SLC16A7: variants seen among roughly 807,000 people sequenced by gnomAD.
SLC16A7 encodes monocarboxylate transporter 2.
In SLC16A7, 33 loss-of-function variants were observed where a neutral mutation model predicts 34.9. The ratio of observed to expected loss-of-function variants is 0.94; its 90% CI spans 0.72 to 1.26. The LOEUF is 1.26. SLC16A7 is among the 50% of genes most tolerant of loss of function. The pLI, the probability that SLC16A7 is intolerant of heterozygous loss-of-function variation, is 0.00. For missense variants in SLC16A7, 573 were observed against 578.1 expected (o/e 0.99, Z 0.09); for synonymous variants, 201 against 206.6 (o/e 0.97, Z 0.23).
At chr12:59,714,290 A>G (rs905443479) in intron 3 of SLC16A7, among the ~76,000 whole-genome samples, 11 of 152,220 alleles carry the variant, frequency 7.2e-5, no homozygotes, top group Non-Finnish European at 1.3e-4. Context: ...CCATATAAAC[A>G]AAAGAGAAGA....
intron 1 of SLC16A7, among the ~76,000 whole-genome samples, chr12:59,633,289 C>A (rs1420417852): frequency 6.6e-6 from 1 of 151,956 alleles, no homozygotes; most frequent in Non-Finnish European, 1.5e-5. Flanking sequence ...ACTTCAGAAA[C>A]TGCAATTTGT....
chr12:59,686,100 T>C (rs572826511), intron 2 of SLC16A7, among the ~76,000 whole-genome samples: 11 of 148,396 alleles, frequency 7.4e-5, no homozygotes, highest in East Asian at 2.0e-4. Context: ...CTTTTCTTTT[T>C]TTTTTTTTTT....
intron 2 of SLC16A7, among the ~76,000 whole-genome samples, chr12:59,673,213 G>T (rs1173014293): frequency 4.6e-5 from 7 of 152,042 alleles, no homozygotes; most frequent in Non-Finnish European, 1.5e-5. Context: ...CTAACCTCTT[G>T]AACAAAACTT....
chr12:59,753,689 C>G (rs1779498454), intron 3 of SLC16A7, among the ~76,000 whole-genome samples: 1 of 152,066 alleles, frequency 6.6e-6, no homozygotes, highest in African/African-American at 2.4e-5. Flanking sequence ...CAACATTAGA[C>G]AGATCAACGA....
chr12:59,664,279 G>T (rs572956882), intron 2 of SLC16A7, among the ~76,000 whole-genome samples: 57 of 152,158 alleles, frequency 3.7e-4, no homozygotes, highest in Admixed American at 8.5e-4. Flanking sequence ...TTTTCCAAAG[G>T]TTATAGTAAT....
intron 3 of SLC16A7, among the ~76,000 whole-genome samples, chr12:59,741,182 G>T (rs530830091): frequency 8.5e-4 from 129 of 152,222 alleles, no homozygotes; most frequent in African/African-American, 2.9e-3. Context: ...AGCTACCGAT[G>T]ACTTTCTTCA....
At chr12:59,614,449 G>A (rs1879344077) in intron 1 of SLC16A7, among the ~76,000 whole-genome samples, 1 of 152,026 alleles carries the variant, frequency 6.6e-6, no homozygotes. Flanking sequence ...GCTATTAAAG[G>A]CATCAGAATA....
intron 2 of SLC16A7, among the ~76,000 whole-genome samples, chr12:59,665,900 G>A (rs958542699): frequency 2.8e-4 from 42 of 150,662 alleles, no homozygotes; most frequent in Admixed American, 2.7e-3. Flanking sequence ...ATCTTTATTC[G>A]GCAAGTATCC....
chr12:59,774,850 T>C lies in SLC16A7; in HGVS notation c.555T>C (p.Leu185=). 6.2e-7 allele frequency: 1 copy of C among 1,613,916 alleles called. No individual in the cohort carries two copies. Among genetic ancestry groups the C allele is most frequent in the Non-Finnish European group, 8.5e-7 (1 of 1,179,948 alleles). The change falls in exon 5 of 6, where the codon CTT becomes CTC. Residue 185 remains leucine, a synonymous_variant. Transcript: ENST00000547379. Reference sequence around the variant, plus strand: ...GCTTCCTGATTTTGGGAAGTCTACTTTTGAATGCCTGTGTGGCTGGTTCCC... The same window carrying C: ...GCTTCCTGATTTTGGGAAGTCTACTCTTGAATGCCTGTGTGGCTGGTTCCC... The part of the protein sequence containing the change: ...KGSFLILGSL[L]LNACVAGSLM...
chr12:59,634,093 C>T (rs1374832647), intron 1 of SLC16A7, among the ~76,000 whole-genome samples: 5 of 151,990 alleles, frequency 3.3e-5, no homozygotes, highest in East Asian at 1.9e-4. Flanking sequence ...TTATCTTGTC[C>T]GTAGTCACAT....
intron 1 of SLC16A7, among the ~76,000 whole-genome samples, chr12:59,653,728 TA>T (rs1342437244): frequency 6.6e-6 from 1 of 151,722 alleles, no homozygotes; most frequent in Non-Finnish European, 1.5e-5. Context: ...ATTTACAAAG[TA>T]AACAATTGAT....
intron 3 of SLC16A7, among the ~76,000 whole-genome samples, chr12:59,728,154 G>A (rs1592588103): frequency 6.6e-6 from 1 of 152,138 alleles, no homozygotes; most frequent in Admixed American, 6.5e-5. Flanking sequence ...ATTACATGGT[G>A]GGTTTAATAC....
intron 1 of SLC16A7, among the ~76,000 whole-genome samples, chr12:59,599,919 T>G (rs1402536140): frequency 1.3e-5 from 2 of 152,186 alleles, no homozygotes; most frequent in African/African-American, 4.8e-5. Context: ...TGAGAGTAGA[T>G]GGTATATCTG....
intron 3 of SLC16A7, among the ~76,000 whole-genome samples, chr12:59,732,791 G>A (rs979006555): frequency 5.9e-5 from 9 of 152,192 alleles, no homozygotes; most frequent in Non-Finnish European, 8.8e-5. Flanking sequence ...TCTTGAGCTA[G>A]GTATAGCTAG....
chr12:59,733,832 G>T (rs932298456), intron 3 of SLC16A7: 2 of 455,706 alleles, frequency 4.4e-6, no homozygotes, highest in African/African-American at 4.0e-5. Context: ...GAGAGCCACG[G>T]TGGGCACCTT....
At chr12:59,698,179 A>G (rs894327385) in intron 2 of SLC16A7, among the ~76,000 whole-genome samples, 3 of 151,764 alleles carry the variant, frequency 2.0e-5, no homozygotes, top group African/African-American at 4.8e-5. Context: ...ATATTGAGAT[A>G]AGAATCTAAA....
chr12:59,774,132 G>C (rs1882502708), intron 4 of SLC16A7, among the ~76,000 whole-genome samples: 2 of 152,074 alleles, frequency 1.3e-5, no homozygotes, highest in Admixed American at 1.3e-4. Context: ...TGAAATTTTT[G>C]TTATTTGCAT....
At chr12:59,752,016 G>A (rs1879646859) in intron 3 of SLC16A7, among the ~76,000 whole-genome samples, 1 of 152,184 alleles carries the variant, frequency 6.6e-6, no homozygotes, top group Non-Finnish European at 1.5e-5. Context: ...TGGACCTCTA[G>A]CAAACTCCAA....
intron 3 of SLC16A7, among the ~76,000 whole-genome samples, chr12:59,715,349 C>T (rs1015863935): frequency 6.6e-6 from 1 of 152,036 alleles, no homozygotes; most frequent in Non-Finnish European, 1.5e-5. Flanking sequence ...GAATTTTGGC[C>T]AAAGGTGCTA....
Sources: allele counts gnomAD v4.1 joint callset (sites outside exome capture counted in the v4.1 genomes callset), GRCh38; gene constraint gnomAD v4.1.1; transcripts MANE v1.5; gene names NCBI Gene and HGNC (gene_info 2026-07-23, HGNC 2026-07-21).